The following CDADC1 variants were observed in gnomAD, a reference collection of about 807,000 sequenced individuals.
The protein encoded by CDADC1 is dCTP deaminase.
Under a neutral mutation model 54.9 loss-of-function variants are expected in CDADC1, and 39 were observed. That is an observed-to-expected ratio of 0.71 (90% CI 0.55 to 0.93). The LOEUF (loss-of-function observed/expected upper bound fraction) is 0.93, where lower values mean the gene tolerates loss of function less well. Ranked by LOEUF, CDADC1 falls within the 40% of genes least tolerant of loss-of-function variation. CDADC1 has a pLI of 0.00. For missense variants in CDADC1, 518 were observed against 618.8 expected, an observed-to-expected ratio of 0.84 and a Z score of 1.73; for synonymous variants, 186 against 204.0, an observed-to-expected ratio of 0.91 and a Z score of 0.75.
At chr13:49,266,838 T>C (rs529000554) in intron 4 of CDADC1, among the ~76,000 whole-genome samples, 42 of 152,318 alleles carry the variant, frequency 2.8e-4, no homozygotes, top group African/African-American at 1.0e-3. Context: ...GAGAGGAACA[T>C]TTTTAATGCA....
intron 5 of CDADC1, among the ~76,000 whole-genome samples, chr13:49,270,062 C>G (rs1952924862): frequency 6.6e-6 from 1 of 152,054 alleles, no homozygotes; most frequent in African/African-American, 2.4e-5. Context: ...ACTGTGCACT[C>G]TTCCAGGGAA....
chr13:49,270,203 G>C (rs988194906), intron 5 of CDADC1, among the ~76,000 whole-genome samples: 1 of 152,100 alleles, frequency 6.6e-6, no homozygotes, highest in African/African-American at 2.4e-5. Flanking sequence ...CAAATGTAAA[G>C]GAATTCAGAA....
At chr13:49,249,662 G>A (rs1329704262) in intron 2 of CDADC1, among the ~76,000 whole-genome samples, 5 of 152,058 alleles carry the variant, frequency 3.3e-5, no homozygotes, top group East Asian at 1.9e-4. Flanking sequence ...TGAACGAATC[G>A]TTGGAGGTTA....
Position 49,266,574 on chromosome 13 carries a change from A to T in CDADC1, c.431-916A>T, listed in dbSNP as rs545216363. On this transcript the variant is annotated intron_variant, in intron 4 of 9. Transcript: ENST00000251108. ...GCCCTTCAGACACCATCCCAACATC[A>T]CATAAGAATTTTTTCATGTTATAAA... 3.5e-4 allele frequency among the ~76,000 whole-genome samples: 53 copies of T among 152,330 alleles called. No homozygotes were observed. The South Asian group carries it at 0.011, about 32-fold the overall frequency.
At position 49,292,009 on chromosome 13, in the gene CDADC1, A is replaced by G. The variant is rs2138281858; in HGVS notation, c.*252A>G. ...AATGAGGGAGCAATAACTTCAACCAATGTAATCACCAACAGGGACTGATTT... is the reference window on the plus strand; with the variant it reads ...AATGAGGGAGCAATAACTTCAACCAGTGTAATCACCAACAGGGACTGATTT... On this transcript the variant is annotated 3_prime_UTR_variant, in exon 10 of 10. Coordinates refer to ENST00000251108, the MANE Select transcript of CDADC1 (RefSeq NM_030911.4). 8.2e-7 allele frequency: 1 copy of G among 1,223,854 alleles called. No homozygotes were observed. The highest frequency in any genetic ancestry group is 3.3e-4 in the Middle Eastern group (1 of 3,022). 75.8% of individuals were successfully genotyped at this position (1,223,854 alleles called of 1,614,324 possible). A position where few individuals can be genotyped will look rare whatever the true frequency, so the allele number is the denominator to read the frequency against.
intron 4 of CDADC1, chr13:49,265,975 T>G: frequency 7.7e-7 from 1 of 1,299,238 alleles, no homozygotes; most frequent in Non-Finnish European, 1.0e-6. Context: ...GAAGGTGAAA[T>G]GCAACCGGAG....
At chr13:49,280,234 T>C (rs1033228190) in intron 7 of CDADC1, among the ~76,000 whole-genome samples, 1 of 152,184 alleles carries the variant, frequency 6.6e-6, no homozygotes, top group Admixed American at 6.5e-5. Context: ...CTGATTTCAT[T>C]TATTTTGTAA....
At chr13:49,286,183 T>C in intron 8 of CDADC1, 39 bp from the exon 9 acceptor site, 2 of 1,517,228 alleles carry the variant, frequency 1.3e-6, no homozygotes. Context: ...ATGTATTAAA[T>C]CCTCTTTAAA....
rs1593855641 is a variant in CDADC1, at chr13:49,286,236, A to C, written c.1425A>C (p.Pro475=). 1.2e-6 allele frequency: 2 copies of C among 1,613,718 alleles called. No homozygotes were observed. Among genetic ancestry groups the C allele is most frequent in the East Asian group, 4.5e-5 (2 of 44,866 alleles). The change falls in exon 9 of 10, where the codon CCA becomes CCC. Residue 475 remains proline, a synonymous_variant. Coordinates refer to ENST00000251108, the MANE Select transcript of CDADC1 (RefSeq NM_030911.4). ...GVSKFTWQLN[P]SGAYGLEQNE... is the part of the protein sequence containing the mutation. The stretch of plus-strand genomic sequence containing the variant: ...CACTCTTACAGTGGCAGCTGAATCC[A>C]TCAGGAGCTTATGGTCTTGAACAAA...
At chr13:49,259,548 G>A (rs1952623170) in intron 4 of CDADC1, 25 bp downstream of exon 4, 1 of 1,605,546 alleles carries the variant, frequency 6.2e-7, no homozygotes, top group Non-Finnish European at 8.5e-7. Context: ...GGGTTTGTTG[G>A]GGATTAAGAG....
chr13:49,286,337 T>G, intron 9 of CDADC1, 55 bp downstream of exon 9: 1 of 1,206,176 alleles, frequency 8.3e-7, no homozygotes, highest in South Asian at 1.2e-5. Flanking sequence ...GGATATACAG[T>G]GAATTTTAAT....
intron 2 of CDADC1, among the ~76,000 whole-genome samples, chr13:49,252,426 T>C (rs764023946): frequency 7.2e-5 from 11 of 152,238 alleles, no homozygotes; most frequent in Non-Finnish European, 1.5e-4. Flanking sequence ...AAATGTGTTT[T>C]AAATTCCGAA....
intron 8 of CDADC1, among the ~76,000 whole-genome samples, chr13:49,283,996 T>A (rs1215494994): frequency 1.3e-5 from 2 of 152,246 alleles, no homozygotes; most frequent in Non-Finnish European, 2.9e-5. Flanking sequence ...ATTTGGTATT[T>A]GTTTTTAAGA....
chr13:49,270,519 A>G (rs1482878490), intron 5 of CDADC1, among the ~76,000 whole-genome samples: 3 of 152,222 alleles, frequency 2.0e-5, no homozygotes, highest in Non-Finnish European at 4.4e-5. Context: ...TGCCCAATCC[A>G]GATTTTAAAA....
intron 4 of CDADC1, among the ~76,000 whole-genome samples, 165 bp from the exon 5 acceptor site, chr13:49,267,325 T>C (rs1167369555): frequency 6.6e-6 from 1 of 152,102 alleles, no homozygotes; most frequent in Non-Finnish European, 1.5e-5. Flanking sequence ...ATTTGGCCTG[T>C]GGGTGGTAGT....
At chr13:49,257,972 A>G (rs1195408840) in intron 3 of CDADC1, among the ~76,000 whole-genome samples, 3 of 152,244 alleles carry the variant, frequency 2.0e-5, no homozygotes, top group African/African-American at 7.2e-5. Context: ...TTAAAAGCCA[A>G]TATAGATAGG....
chr13:49,285,432 C>T (rs1953483839), intron 8 of CDADC1, among the ~76,000 whole-genome samples: 1 of 152,154 alleles, frequency 6.6e-6, no homozygotes. Flanking sequence ...ACCTCAGCCT[C>T]CCAAAGTGCT....
At chr13:49,264,065 T>C (rs1016083989) in intron 4 of CDADC1, among the ~76,000 whole-genome samples, 2 of 152,210 alleles carry the variant, frequency 1.3e-5, no homozygotes, top group African/African-American at 2.4e-5. Context: ...AAATAAACTG[T>C]TAGGCACAGG....
chr13:49,247,927 TG>T lies in CDADC1; in HGVS notation c.-108del. ...TGAGGCGTCATCTGGCTGCGCCTAG[TG>T]GGCCGTTGCCTTACAGTTGCTGAGA... On this transcript the variant is annotated 5_prime_UTR_variant, in exon 1 of 10. Transcript: ENST00000251108. 2.2e-6 allele frequency: 2 copies of T among 913,402 alleles called. No homozygotes were observed. Among genetic ancestry groups the T allele is most frequent in the South Asian group, 2.9e-5 (2 of 68,644 alleles). 56.6% of individuals were successfully genotyped at this position (913,402 alleles called of 1,614,324 possible).
Sources: gnomAD v4.1 joint callset for allele counts (sites outside exome capture counted in the v4.1 genomes callset) on GRCh38, gnomAD v4.1.1 for gene constraint, MANE v1.5 for transcripts, NCBI Gene and HGNC (gene_info 2026-07-23, HGNC 2026-07-21) for gene names.